The following PHLDB2 variants were observed in gnomAD, a reference collection of about 807,000 sequenced individuals.
PHLDB2 encodes the protein pleckstrin homology-like domain family B member 2.
In PHLDB2, 71 loss-of-function variants were observed where a neutral mutation model predicts 123.6. That is an observed-to-expected ratio of 0.57 (90% CI 0.47 to 0.70). The LOEUF (loss-of-function observed/expected upper bound fraction) is 0.70, where lower values mean the gene tolerates loss of function less well. PHLDB2 is among the 30% of genes least tolerant of loss of function. The pLI is 0.00. For missense variants in PHLDB2, 1,446 were observed against 1,519.5 expected (o/e 0.95, Z 0.80); for synonymous variants, 547 against 541.6 (o/e 1.01, Z -0.14).
intron 1 of PHLDB2, 86 bp from the exon 2 acceptor site, chr3:111,883,978 A>AT (rs2066058093): frequency 7.7e-7 from 1 of 1,297,964 alleles, no homozygotes; most frequent in Non-Finnish European, 1.1e-6. Flanking sequence ...AGACTGCAAG[A>AT]TTGTTTGTTC....
intron 3 of PHLDB2, among the ~76,000 whole-genome samples, chr3:111,918,085 G>T (rs985003572): frequency 8.6e-5 from 13 of 152,042 alleles, no homozygotes; most frequent in African/African-American, 3.1e-4. Context: ...AGAAAAATTG[G>T]TCTCTACCAG....
In PHLDB2 at chr3:111,783,014, A is replaced by G. The variant is rs149287247; in HGVS notation, c.-49+50311A>G. On this transcript the variant is annotated intron_variant, in intron 1 of 17. Coordinates refer to the PHLDB2 transcript ENST00000393923. ...TTTTTCCTTTTTCTTCTTAGTTCCT[A>G]TCTGTTTTCCCCTCCTCTGTCCCCA... 4.2e-3 allele frequency among the ~76,000 whole-genome samples: 639 copies of G among 151,920 alleles called. 1 individual carries two copies. The highest frequency in any genetic ancestry group is 0.015 in the African/African-American group (615 of 41,446).
At chr3:111,743,050 C>T (rs2059629403) in intron 1 of PHLDB2, among the ~76,000 whole-genome samples, 1 of 152,086 alleles carries the variant, frequency 6.6e-6, no homozygotes, top group African/African-American at 2.4e-5. Flanking sequence ...TCCCCAACTA[C>T]CAAAGGAGTT....
At chr3:111,839,940 C>CGTTTT (rs2063600835) in intron 1 of PHLDB2, among the ~76,000 whole-genome samples, 1 of 64,946 alleles carries the variant, frequency 1.5e-5, no homozygotes, top group Admixed American at 2.7e-4. Context: ...CCCACCCCCG[C>CGTTTT]TTTTTTTTTT....
intron 1 of PHLDB2, among the ~76,000 whole-genome samples, chr3:111,743,463 G>A (rs185571727): frequency 6.6e-6 from 1 of 152,252 alleles, no homozygotes; most frequent in Non-Finnish European, 1.5e-5. Context: ...TTTCTACTCA[G>A]TTATGAATTG....
intron 2 of PHLDB2, among the ~76,000 whole-genome samples, chr3:111,907,352 G>A (rs979988969): frequency 1.3e-5 from 2 of 152,168 alleles, no homozygotes; most frequent in Non-Finnish European, 2.9e-5. Context: ...AGAGTCCAAA[G>A]AGTTCCAAAG....
chr3:111,780,390 A>G (rs1026634035), intron 1 of PHLDB2, among the ~76,000 whole-genome samples: 24 of 50,602 alleles, frequency 4.7e-4, no homozygotes, highest in East Asian at 5.2e-3. Context: ...AAGAAGAAGA[A>G]GAAGAAGAAG....
At chr3:111,972,059 T>G (rs372871346) in intron 16 of PHLDB2, among the ~76,000 whole-genome samples, 1 of 152,224 alleles carries the variant, frequency 6.6e-6, no homozygotes, top group Non-Finnish European at 1.5e-5. Context: ...TTCTTTCTCA[T>G]ATATGAAGTG....
At chr3:111,749,023 TCTA>T (rs1311140048) in intron 1 of PHLDB2, among the ~76,000 whole-genome samples, 3 of 151,830 alleles carry the variant, frequency 2.0e-5, no homozygotes, top group Non-Finnish European at 4.4e-5. Flanking sequence ...CCTGTTAAAT[TCTA>T]CTGGGACATA....
chr3:111,755,060 T>G (rs1322865337), intron 1 of PHLDB2, among the ~76,000 whole-genome samples: 1 of 151,940 alleles, frequency 6.6e-6, no homozygotes, highest in Non-Finnish European at 1.5e-5. Flanking sequence ...TGCCAGTATT[T>G]TATTGAGGAT....
At chr3:111,761,183 CAAA>C (rs60999461) in intron 1 of PHLDB2, among the ~76,000 whole-genome samples, 42 of 111,292 alleles carry the variant, frequency 3.8e-4, no homozygotes, top group South Asian at 9.4e-4. Context: ...GACTCCATCT[CAAA>C]AAAAAAAAAA....
intron 1 of PHLDB2, among the ~76,000 whole-genome samples, chr3:111,785,308 T>C (rs560619523): frequency 6.6e-6 from 1 of 152,278 alleles, no homozygotes; most frequent in South Asian, 2.1e-4. Flanking sequence ...CTTGAGATAT[T>C]AAGTCTGTTA....
At chr3:111,868,105 TC>T (rs2065170469) in intron 1 of PHLDB2, among the ~76,000 whole-genome samples, 1 of 151,942 alleles carries the variant, frequency 6.6e-6, no homozygotes, top group Non-Finnish European at 1.5e-5. Context: ...GCTCAAGTGA[TC>T]CCCCTGCCTC....
At chr3:111,778,733 G>A (rs1336103949) in intron 1 of PHLDB2, among the ~76,000 whole-genome samples, 1 of 151,882 alleles carries the variant, frequency 6.6e-6, no homozygotes, top group Non-Finnish European at 1.5e-5. Flanking sequence ...TTTCTACCCA[G>A]GGCTCAAGTC....
intron 1 of PHLDB2, among the ~76,000 whole-genome samples, chr3:111,758,425 C>T (rs2059937172): frequency 6.6e-6 from 1 of 152,228 alleles, no homozygotes; most frequent in African/African-American, 2.4e-5. Flanking sequence ...GGGATATAAT[C>T]TCCTGGTGCG....
intron 5 of PHLDB2, among the ~76,000 whole-genome samples, chr3:111,931,300 A>G (rs1170885057): frequency 1.3e-5 from 2 of 152,226 alleles, no homozygotes; most frequent in African/African-American, 4.8e-5. Flanking sequence ...TGTTCAGAGC[A>G]TCATAAAAAG....
At chr3:111,948,897 T>G (rs1289197040) in intron 9 of PHLDB2, 35 bp from the exon 10 acceptor site, 1 of 1,609,254 alleles carries the variant, frequency 6.2e-7, no homozygotes, top group African/African-American at 1.3e-5. Flanking sequence ...AGCTTTTGCT[T>G]TCTTTGTGTT....
chr3:111,913,626 C>T lies in PHLDB2; in HGVS notation c.1643C>T (p.Thr548Ile), dbSNP rs1446213294. Residue 548 changes from threonine (T) to isoleucine (I), a missense_variant, in exon 3 of 18, where the codon ACC becomes ATC. Transcript: ENST00000431670. ...AATGATGAACTACTCAGTGACCTCA[C>T]CCGGACTCCTCCACCACCATCCTCC... ...TRNDELLSDL[T>I]RTPPPPSSTF... 6.2e-7 allele frequency: 1 copy of T among 1,614,124 alleles called. No homozygotes were observed. Among genetic ancestry groups the T allele is most frequent in the Non-Finnish European group, 8.5e-7 (1 of 1,179,976 alleles).
At chr3:111,734,259 G>A (rs531016717) in intron 1 of PHLDB2, among the ~76,000 whole-genome samples, 8 of 152,270 alleles carry the variant, frequency 5.3e-5, no homozygotes, top group South Asian at 2.1e-4. Context: ...TGGTTTTGAC[G>A]AGGGAAAAGG....
Sources: allele counts gnomAD v4.1 joint callset (sites outside exome capture counted in the v4.1 genomes callset), GRCh38; gene constraint gnomAD v4.1.1; transcripts MANE v1.5; gene names NCBI Gene and HGNC (gene_info 2026-07-23, HGNC 2026-07-21).